NREP: variants seen among roughly 807,000 people sequenced by gnomAD.
NREP encodes the protein neuronal regeneration related protein.
NREP carries 5 observed loss-of-function variants against 8.6 expected under a neutral mutation model. That is an observed-to-expected ratio of 0.58 (90% CI 0.30 to 1.22). The LOEUF (loss-of-function observed/expected upper bound fraction) is 1.22. Among genes scored for constraint, NREP ranks in the 50% most tolerant of loss-of-function variants. NREP has a pLI of 0.07. For missense variants in NREP, 86 were observed against 82.5 expected (o/e 1.04, Z -0.17); for synonymous variants, 27 against 28.0 (o/e 0.96, Z 0.11).
chr5:111,941,303 A>C (rs1755822200), intron 2 of NREP, among the ~76,000 whole-genome samples: 1 of 152,058 alleles, frequency 6.6e-6, no homozygotes, highest in Admixed American at 6.6e-5. Flanking sequence ...TTTTTGTTTT[A>C]GTTTGCTCAA....
At chr5:111,885,713 C>A (rs568117773) in intron 2 of NREP, among the ~76,000 whole-genome samples, 100 of 152,244 alleles carry the variant, frequency 6.6e-4, no homozygotes, top group African/African-American at 1.8e-3. Flanking sequence ...CAAAAACAAG[C>A]AATGGGGAAA....
At position 111,907,208 on chromosome 5, in the gene NREP, A is replaced by T. The variant is rs115309803; in HGVS notation, c.135+68066T>A. Among the ~76,000 whole-genome samples the T allele has an allele frequency of 1.4e-3, 214 of 152,140 alleles. 1 individual carries two copies. The highest frequency in any genetic ancestry group is 5.1e-3 in the African/African-American group (210 of 41,538). On this transcript the variant is annotated intron_variant, in intron 2 of 3. Transcript: ENST00000395634. ...TTTTAATTTTATGAAGTCTGGCATC[A>T]ATTTTTTCTTACATAGATTATGTCT...
intron 2 of NREP, among the ~76,000 whole-genome samples, chr5:111,843,276 C>G (rs892285132): frequency 1.3e-5 from 2 of 151,674 alleles, no homozygotes; most frequent in East Asian, 3.9e-4. Flanking sequence ...TTTTAAATGT[C>G]CTTTCTTCAA....
At chr5:111,807,257 T>C (rs1752164118) in intron 2 of NREP, among the ~76,000 whole-genome samples, 1 of 152,220 alleles carries the variant, frequency 6.6e-6, no homozygotes, top group African/African-American at 2.4e-5. Context: ...AGCCCAATTT[T>C]AGTTCAGTTT....
At chr5:111,749,395 G>A (rs959239549) in intron 2 of NREP, among the ~76,000 whole-genome samples, 21 of 151,766 alleles carry the variant, frequency 1.4e-4, no homozygotes, top group Admixed American at 4.6e-4. Context: ...TGCATTCCAA[G>A]GTAACATTCT....
chr5:111,823,022 G>A (rs1752545251), intron 2 of NREP, among the ~76,000 whole-genome samples: 1 of 152,228 alleles, frequency 6.6e-6, no homozygotes, highest in African/African-American at 2.4e-5. Flanking sequence ...TTCTGAATCT[G>A]GAAAAGTTTG....
intron 2 of NREP, chr5:111,739,675 GT>G (rs1749479079): frequency 6.6e-6 from 1 of 151,924 alleles, no homozygotes; most frequent in Non-Finnish European, 1.5e-5. Context: ...CTGAATTCAA[GT>G]TTGTGTTTTT....
intron 2 of NREP, among the ~76,000 whole-genome samples, chr5:111,887,958 A>G (rs542454159): frequency 6.6e-6 from 1 of 152,334 alleles, no homozygotes; most frequent in Non-Finnish European, 1.5e-5. Flanking sequence ...AAATCTTTGG[A>G]AATTGAAGGA....
At chr5:111,800,433 C>A (rs985769267) in intron 2 of NREP, among the ~76,000 whole-genome samples, 1 of 152,224 alleles carries the variant, frequency 6.6e-6, no homozygotes, top group Non-Finnish European at 1.5e-5. Context: ...GGGTCCTGTG[C>A]TTAGTTTAAT....
intron 2 of NREP, among the ~76,000 whole-genome samples, chr5:111,833,686 A>G (rs1414336771): frequency 2.0e-5 from 3 of 152,172 alleles, no homozygotes; most frequent in Non-Finnish European, 4.4e-5. Flanking sequence ...ATTAAATGCT[A>G]TCTAAGACTA....
At chr5:111,737,065 C>G (rs932956340) in intron 2 of NREP, among the ~76,000 whole-genome samples, 2 of 152,154 alleles carry the variant, frequency 1.3e-5, no homozygotes, top group African/African-American at 4.8e-5. Flanking sequence ...TGGACTGGGT[C>G]TGTTTTCTGA....
At chr5:111,956,999 A>AT (rs1756342628) in intron 2 of NREP, among the ~76,000 whole-genome samples, 3 of 150,882 alleles carry the variant, frequency 2.0e-5, no homozygotes, top group South Asian at 2.1e-4. Context: ...AAATAAATAA[A>AT]ATGCCAGTTA....
intron 2 of NREP, among the ~76,000 whole-genome samples, chr5:111,809,161 AC>A (rs1285612440): frequency 6.6e-6 from 1 of 152,164 alleles, no homozygotes; most frequent in Non-Finnish European, 1.5e-5. Flanking sequence ...TACTAGTCTC[AC>A]TTTTTGTCCT....
At chr5:111,926,966 C>T (rs1459019224) in intron 2 of NREP, among the ~76,000 whole-genome samples, 7 of 151,864 alleles carry the variant, frequency 4.6e-5, no homozygotes, top group African/African-American at 1.7e-4. Context: ...GACCCTAGTC[C>T]TCCGCTAATT....
intron 2 of NREP, among the ~76,000 whole-genome samples, chr5:111,876,792 GTT>G (rs1337456535): frequency 1.3e-5 from 2 of 152,152 alleles, no homozygotes; most frequent in Non-Finnish European, 2.9e-5. Flanking sequence ...TAGTCTAAGT[GTT>G]TTTATAAATA....
intron 2 of NREP, among the ~76,000 whole-genome samples, chr5:111,870,998 C>G (rs945979773): frequency 2.0e-5 from 3 of 151,412 alleles, no homozygotes; most frequent in African/African-American, 7.3e-5. Context: ...TAGCCTGAAC[C>G]CTTAGGGCTG....
chr5:111,925,179 G>A lies in NREP; in HGVS notation c.135+50095C>T, dbSNP rs184735514. ...ATCACCCAGGGCTCCTGGGCGTAAC[G>A]GCAGTTTGGGCCACTAGAGTTGAGG... is the stretch of plus-strand genomic sequence containing the variant. On this transcript the variant is annotated intron_variant, in intron 2 of 3. Transcript: ENST00000395634. 2.4e-3 allele frequency among the ~76,000 whole-genome samples: 361 copies of A among 152,154 alleles called. 2 individuals are homozygous for A. The highest frequency in any genetic ancestry group is 4.7e-3 in the Admixed American group (72 of 15,302).
intron 2 of NREP, among the ~76,000 whole-genome samples, chr5:111,851,343 T>G (rs987032899): frequency 1.4e-4 from 22 of 152,206 alleles, no homozygotes; most frequent in African/African-American, 5.3e-4. Context: ...CTGCAGATAC[T>G]CTGGTGTTCT....
intron 2 of NREP, among the ~76,000 whole-genome samples, chr5:111,736,731 A>G (rs781013114): frequency 1.1e-4 from 17 of 152,224 alleles, no homozygotes; most frequent in African/African-American, 2.2e-4. Flanking sequence ...ATCCTAGCTT[A>G]CAAAGCAATT....
Sources: allele counts gnomAD v4.1 joint callset (sites outside exome capture counted in the v4.1 genomes callset), GRCh38; gene constraint gnomAD v4.1.1; transcripts MANE v1.5; gene names NCBI Gene and HGNC (gene_info 2026-07-23, HGNC 2026-07-21).